KCTD13: variants seen among roughly 807,000 people sequenced by gnomAD.
KCTD13 encodes the protein potassium channel tetramerization domain containing 13, also known as BTB/POZ domain-containing adapter for CUL3-mediated RhoA degradation protein 1.
KCTD13 carries 15 observed loss-of-function variants against 32.3 expected under a neutral mutation model. The ratio of observed to expected loss-of-function variants is 0.46; its 90% CI spans 0.31 to 0.71. KCTD13 has a LOEUF of 0.71. KCTD13 is among the 30% of genes least tolerant of loss of function. The pLI is 0.05. For missense variants in KCTD13, 337 were observed against 452.6 expected, an observed-to-expected ratio of 0.74 and a Z score of 2.32; for synonymous variants, 189 against 200.1, an observed-to-expected ratio of 0.94 and a Z score of 0.47.
At chr16:29,909,765 T>C (rs2150833529) in intron 5 of KCTD13, among the ~76,000 whole-genome samples, 1 of 151,702 alleles carries the variant, frequency 6.6e-6, no homozygotes, top group South Asian at 2.1e-4. Context: ...CATAGCTCCC[T>C]GCTGCCTCAA....
chr16:29,915,233 T>G (rs1364616367), intron 2 of KCTD13: 1 of 152,266 alleles, frequency 6.6e-6, no homozygotes, highest in Admixed American at 6.5e-5. Context: ...CTTGTCCTTT[T>G]GCACTGGCTC....
At chr16:29,915,095 C>G (rs951897193) in intron 2 of KCTD13, 1 of 152,198 alleles carries the variant, frequency 6.6e-6, no homozygotes, top group African/African-American at 2.4e-5. Context: ...TTGATGCCTA[C>G]TCCTGTTCAT....
chr16:29,910,201 C>A (rs2068682020), intron 5 of KCTD13, among the ~76,000 whole-genome samples: 1 of 151,224 alleles, frequency 6.6e-6, no homozygotes, highest in Non-Finnish European at 1.5e-5. Context: ...AGATTGAGAC[C>A]ATCCTGGCCA....
rs989416372 is a variant in KCTD13, at chr16:29,913,637, G to A, written c.415-1588C>T. ...TGTCAGTGGGGCTGTGGGCATCAAA[G>A]GCATGACCGCCCCTAGAGGATGCAC... On this transcript the variant is annotated intron_variant, in intron 2 of 5. Coordinates refer to ENST00000568000, the MANE Select transcript of KCTD13 (RefSeq NM_178863.5). 2.0e-4 allele frequency: 30 copies of A among 152,194 alleles called. 1 individual carries two copies. The highest frequency in any genetic ancestry group is 6.6e-5 in the Admixed American group (1 of 15,252). 9.4% of individuals were successfully genotyped at this position (152,194 alleles called of 1,614,324 possible).
At position 29,911,874 on chromosome 16, in the gene KCTD13, G is replaced by A; in HGVS notation, c.505-7C>T. 2 of 1,612,312 alleles carry A rather than the reference G, an allele frequency of 1.2e-6. No homozygotes were observed. The highest frequency in any genetic ancestry group is 1.7e-6 in the Non-Finnish European group (2 of 1,179,068). Reference sequence around the variant, plus strand: ...GCAGGAGCTTCACCACGGGCTGGCGGGGGAGAGAGGATGGACGAGAGGGGT... The same window carrying A: ...GCAGGAGCTTCACCACGGGCTGGCGAGGGAGAGAGGATGGACGAGAGGGGT... On this transcript the variant is annotated splice_region_variant and splice_polypyrimidine_tract_variant and intron_variant, in intron 3 of 5. Coordinates refer to ENST00000568000, the MANE Select transcript of KCTD13 (RefSeq NM_178863.5).
Position 29,926,128 on chromosome 16 carries a change from G to A in KCTD13, c.-95C>T. On this transcript the variant is annotated 5_prime_UTR_variant, in exon 1 of 6. Coordinates refer to ENST00000568000, the MANE Select transcript of KCTD13 (RefSeq NM_178863.5). Reference sequence around the variant, plus strand: ...CGGCCGGCCCCCAGCCCTTGGGCCAGACCGCTCGGCGCACACGCCCACTCA... The same window carrying A: ...CGGCCGGCCCCCAGCCCTTGGGCCAAACCGCTCGGCGCACACGCCCACTCA... The A allele has an allele frequency of 8.2e-6, 11 of 1,347,236 alleles. No individual in the cohort carries two copies. The highest frequency in any genetic ancestry group is 1.1e-5 in the Non-Finnish European group (11 of 1,036,616). The allele number at this position is 1,347,236 out of a possible 1,614,324, so 83.5% of individuals were successfully genotyped here.
In KCTD13 at chr16:29,906,856, G is replaced by C. The variant is rs746975483; in HGVS notation, c.*16C>G. 4 of 1,605,310 alleles carry C rather than the reference G, an allele frequency of 2.5e-6. No homozygotes were observed. The highest frequency in any genetic ancestry group is 1.3e-5 in the African/African-American group (1 of 74,740). On this transcript the variant is annotated 3_prime_UTR_variant, in exon 6 of 6. Transcript: ENST00000568000. ...TGGGTCCCAAGGCAAGAGGAAGGCA[G>C]GGGGAGGGTCAGAGGTCAGTCCTTG...
At chr16:29,924,755 G>A (rs1052930574) in intron 1 of KCTD13, among the ~76,000 whole-genome samples, 2 of 125,772 alleles carry the variant, frequency 1.6e-5, no homozygotes, top group African/African-American at 6.3e-5. Flanking sequence ...GTCTCTCTCT[G>A]TCGCCCAGGC....
chr16:29,920,894 T>C (rs2068899262), intron 2 of KCTD13: 1 of 152,182 alleles, frequency 6.6e-6, no homozygotes, highest in African/African-American at 2.4e-5. Flanking sequence ...CCAGCTACAA[T>C]GACAGGAGAC....
intron 2 of KCTD13, among the ~76,000 whole-genome samples, chr16:29,912,969 T>G (rs2068743268): frequency 2.0e-5 from 3 of 152,228 alleles, no homozygotes. Flanking sequence ...TTCTGTCTTC[T>G]AGAATCTTCA....
intron 5 of KCTD13, among the ~76,000 whole-genome samples, chr16:29,908,505 C>T (rs2068651510): frequency 6.6e-6 from 1 of 152,122 alleles, no homozygotes; most frequent in Admixed American, 6.5e-5. Context: ...CTGCTTCAAC[C>T]TCCCGGAGTA....
intron 1 of KCTD13, among the ~76,000 whole-genome samples, chr16:29,924,443 T>A (rs1429496658): frequency 6.6e-6 from 1 of 152,172 alleles, no homozygotes; most frequent in Non-Finnish European, 1.5e-5. Flanking sequence ...ATTCTCACCA[T>A]CCTATTTAAT....
chr16:29,908,310 T>G (rs2068648151), intron 5 of KCTD13, among the ~76,000 whole-genome samples: 1 of 152,218 alleles, frequency 6.6e-6, no homozygotes, highest in South Asian at 2.1e-4. Context: ...AAGAGGTGAC[T>G]GGGGTGTTCC....
At chr16:29,912,926 G>C (rs181374248) in intron 2 of KCTD13, among the ~76,000 whole-genome samples, 1 of 152,338 alleles carries the variant, frequency 6.6e-6, no homozygotes, top group Admixed American at 6.5e-5. Flanking sequence ...GTTGGAGAAA[G>C]AAATCTGAAG....
At chr16:29,911,417 C>G (rs1449270902) in intron 4 of KCTD13, 13 of 564,772 alleles carry the variant, frequency 2.3e-5, no homozygotes, top group Non-Finnish European at 3.4e-5. Flanking sequence ...GCCAGGCCAC[C>G]TCCCCGGGGG....
At position 29,913,117 on chromosome 16, in the gene KCTD13, G is replaced by C. The variant is rs927682611; in HGVS notation, c.415-1068C>G. 4 of 149,716 alleles carry C rather than the reference G, an allele frequency of 2.7e-5. No individual in the cohort carries two copies. In the East Asian group the frequency reaches 5.8e-4, roughly 22 times the overall value. The allele number at this position is 149,716 out of a possible 1,614,324, so 9.3% of individuals were successfully genotyped here. On this transcript the variant is annotated intron_variant, in intron 2 of 5. Transcript: ENST00000568000. ...AATAATAAAAGTCTACAATTACTGA[G>C]GCCATTTTTTTTTTTTTTTTTTTTT...
intron 2 of KCTD13, chr16:29,913,728 C>T (rs2068758391): frequency 6.6e-6 from 1 of 152,266 alleles, no homozygotes; most frequent in Non-Finnish European, 1.5e-5. Flanking sequence ...CAACAAATCC[C>T]TGCCATGTAG....
In KCTD13 at chr16:29,911,818, G is replaced by T. The variant is rs1182358463; in HGVS notation, c.554C>A (p.Thr185Asn). ...HNRSNNKYSY[T>N]STSDDNLLKN... is the part of the protein sequence containing the mutation. ...TGCCCCGCACCCCGGCGGTCACCTG[G>T]TGTAGGAGTACTTGTTGTTACTGCG... is the stretch of plus-strand genomic sequence containing the variant. The change falls in exon 4 of 6, where the codon ACC (threonine) becomes AAC (asparagine). Residue 185 changes from threonine to asparagine, a missense_variant. By Grantham distance (65) the Thr-to-Asn change is moderately conservative (BLOSUM62 0). This residue lies in a region of KCTD13 where 252 missense variants were observed against 340.2 expected (regional missense o/e 0.74). Coordinates refer to ENST00000568000, the MANE Select transcript of KCTD13 (RefSeq NM_178863.5). 5 of 1,612,818 alleles carry T rather than the reference G, an allele frequency of 3.1e-6. No homozygotes were observed. Among genetic ancestry groups the T allele is most frequent in the Non-Finnish European group, 4.2e-6 (5 of 1,179,702 alleles).
chr16:29,911,610 A>C (rs2068710881), intron 4 of KCTD13: 1 of 608,846 alleles, frequency 1.6e-6, no homozygotes, highest in East Asian at 2.8e-5. Flanking sequence ...GTCCTCACCC[A>C]AACCCATTTA....
Sources: allele counts gnomAD v4.1 joint callset (sites outside exome capture counted in the v4.1 genomes callset), GRCh38; gene constraint gnomAD v4.1.1; regional missense constraint gnomAD v4.1.1; transcripts MANE v1.5; gene names NCBI Gene and HGNC (gene_info 2026-07-23, HGNC 2026-07-21).